Variants in MARCO observed in about 807,000 individuals in gnomAD.
MARCO encodes macrophage receptor with collagenous structure, also known as macrophage receptor MARCO.
In MARCO, 72 loss-of-function variants were observed where a neutral mutation model predicts 70.0. That is an observed-to-expected ratio of 1.03 (90% CI 0.85 to 1.25). The LOEUF is 1.25. MARCO is among the 50% of genes most tolerant of loss of function. The probability of loss-of-function intolerance (pLI) is 0.00; values close to 1 mark genes in which losing one functional copy is unlikely to be tolerated. For synonymous variants in MARCO, 273 were observed against 243.1 expected (o/e 1.12, Z -1.14); for missense variants, 696 against 659.3 (o/e 1.06, Z -0.61).
chr2:118,986,644 AGAAAGAAAGAAG>A (rs1229606675), intron 12 of MARCO, among the ~76,000 whole-genome samples: 4 of 43,128 alleles, frequency 9.3e-5, no homozygotes, highest in Middle Eastern at 8.5e-3. Flanking sequence ...AAAGAAAGAA[AGAAAGAAAGAAG>A]GAAGGAAGGA....
In MARCO at chr2:118,977,810, C is replaced by G. The variant is rs1427318693; in HGVS notation, c.659-18C>G. 8.8e-6 allele frequency: 14 copies of G among 1,592,778 alleles called. No individual in the cohort carries two copies. The highest frequency in any genetic ancestry group is 1.2e-5 in the Non-Finnish European group (14 of 1,164,806). On this transcript the variant is annotated intron_variant, in intron 7 of 16. Transcript: ENST00000327097. ...AAAGGATAGTGGGAGCCCATCTCACCAGCCATTCTCTTTGCAGGCACCCCA... is the reference window on the plus strand; with the variant it reads ...AAAGGATAGTGGGAGCCCATCTCACGAGCCATTCTCTTTGCAGGCACCCCA...
At position 118,944,269 on chromosome 2, in the gene MARCO, C is replaced by A. The variant is rs190590456; in HGVS notation, c.97+1872C>A. Reference sequence around the variant, plus strand: ...ATGTTTAAAGTATCTCACCAAAAAACCAAAACTACTCCAATTTGGATGAAA... The same window carrying A: ...ATGTTTAAAGTATCTCACCAAAAAAACAAAACTACTCCAATTTGGATGAAA... On this transcript the variant is annotated intron_variant, in intron 1 of 16. Coordinates refer to ENST00000327097, the MANE Select transcript of MARCO (RefSeq NM_006770.4). Among the ~76,000 whole-genome samples the A allele has an allele frequency of 9.8e-4, 149 of 152,190 alleles. 1 individual carries two copies. The highest frequency in any genetic ancestry group is 6.8e-3 in the Middle Eastern group (2 of 294).
chr2:118,958,015 C>T (rs1489409311), intron 1 of MARCO, among the ~76,000 whole-genome samples: 1 of 151,944 alleles, frequency 6.6e-6, no homozygotes, highest in African/African-American at 2.4e-5. Context: ...GTAATAAAGG[C>T]CATCTATGAC....
At chr2:118,972,048 C>T (rs985554104) in intron 4 of MARCO, among the ~76,000 whole-genome samples, 1 of 152,188 alleles carries the variant, frequency 6.6e-6, no homozygotes, top group Non-Finnish European at 1.5e-5. Flanking sequence ...GGCGGTGTGA[C>T]TCTGGGTCAG....
chr2:118,974,517 C>T lies in MARCO; in HGVS notation c.569-4C>T, dbSNP rs776630060. On this transcript the variant is annotated splice_region_variant and splice_polypyrimidine_tract_variant and intron_variant, in intron 5 of 16. Coordinates refer to ENST00000327097, the MANE Select transcript of MARCO (RefSeq NM_006770.4). ...CTTCACTCTGAATTCCCTTTCCCTT[C>T]CAGGCCCCTCGGGACCCCAAGGCCC... is the stretch of plus-strand genomic sequence containing the variant. 8.7e-6 allele frequency: 14 copies of T among 1,613,822 alleles called. No homozygotes were observed. The highest frequency in any genetic ancestry group is 1.6e-4 in the Middle Eastern group (1 of 6,068).
chr2:118,975,934 C>T (rs1680274065), intron 6 of MARCO, among the ~76,000 whole-genome samples: 1 of 152,206 alleles, frequency 6.6e-6, no homozygotes, highest in African/African-American at 2.4e-5. Flanking sequence ...CACACTCACA[C>T]TCAGCCTGTG....
chr2:118,943,294 C>A (rs1017698534), intron 1 of MARCO, among the ~76,000 whole-genome samples: 5 of 152,184 alleles, frequency 3.3e-5, no homozygotes, highest in African/African-American at 1.2e-4. Context: ...AGTGTAATAA[C>A]AGAGAAAGGT....
At chr2:118,977,318 AAGAG>A (rs60485337) in intron 6 of MARCO, among the ~76,000 whole-genome samples, 149 bp from the exon 7 acceptor site, 97 of 146,976 alleles carry the variant, frequency 6.6e-4, no homozygotes, top group African/African-American at 1.5e-3. Context: ...GTGTGTGAAA[AAGAG>A]AGAGAGAGAG....
At position 118,982,446 on chromosome 2, in the gene MARCO, G is replaced by C. The variant is rs772716890; in HGVS notation, c.1063+36G>C. On this transcript the variant is annotated intron_variant, in intron 12 of 16. Coordinates refer to ENST00000327097, the MANE Select transcript of MARCO (RefSeq NM_006770.4). ...GTGCAGTGGGTGAGTAGGTGGGCTT[G>C]CTGGGTGGCAGGATGGATGGAGAGA... 8 of 1,594,886 alleles carry C rather than the reference G, an allele frequency of 5.0e-6. No individual in the cohort carries two copies. In the East Asian group the frequency reaches 1.6e-4, roughly 31 times the overall value.
At position 118,951,352 on chromosome 2, in the gene MARCO, G is replaced by A. The variant is rs1295631351; in HGVS notation, c.97+8955G>A. ...GTTAAGGGAATTTTCAGTGGCTAAC[G>A]TTAAATCACTTTTTCTAACAGAATA... On this transcript the variant is annotated intron_variant, in intron 1 of 16. Coordinates refer to ENST00000327097, the MANE Select transcript of MARCO (RefSeq NM_006770.4). Among the ~76,000 whole-genome samples, 6 of 152,332 alleles carry A rather than the reference G, an allele frequency of 3.9e-5. No homozygotes were observed. The Middle Eastern group carries it at 0.014, about 345-fold the overall frequency.
At chr2:118,980,306 A>G (rs1680365067) in intron 8 of MARCO, among the ~76,000 whole-genome samples, 2 of 152,210 alleles carry the variant, frequency 1.3e-5, no homozygotes, top group African/African-American at 2.4e-5. Context: ...AGCCATAACC[A>G]AGTTCCTTAG....
At chr2:118,986,356 A>AT (rs145092247) in intron 12 of MARCO, among the ~76,000 whole-genome samples, 8,020 of 138,474 alleles carry the variant, frequency 0.058, 704 homozygotes, top group African/African-American at 0.23. Flanking sequence ...TCTACAAAAC[A>AT]TAAAAAAATT....
At chr2:118,982,957 G>A (rs1680423187) in intron 12 of MARCO, among the ~76,000 whole-genome samples, 1 of 152,192 alleles carries the variant, frequency 6.6e-6, no homozygotes. Context: ...TACCAATATA[G>A]TCTACTTTAT....
rs1297992442 is a variant in MARCO, at chr2:118,970,234, C to T, written c.320C>T (p.Ala107Val). 1 of 1,614,058 alleles carries T rather than the reference C, an allele frequency of 6.2e-7. No homozygotes were observed. The highest frequency in any genetic ancestry group is 8.5e-7 in the Non-Finnish European group (1 of 1,179,982). The stretch of plus-strand genomic sequence containing the variant: ...TCAGCACACCCTGGAGAACACCTGG[C>T]TCAGGGTGCATCGAGGCTGCAAGTC... ...LQSAHPGEHL[A>V]QGASRLQVLQ... The change falls in exon 3 of 17, where the codon GCT (alanine) becomes GTT (valine). Residue 107 changes from alanine (A) to valine (V), a missense_variant. Transcript: ENST00000327097.
At chr2:118,971,629 AC>A (rs1470514456) in intron 4 of MARCO, 95 bp downstream of exon 4, 1 of 1,186,376 alleles carries the variant, frequency 8.4e-7, no homozygotes, top group Non-Finnish European at 1.2e-6. Context: ...TGGACAGCTG[AC>A]CCTAGCTTAC....
intron 12 of MARCO, among the ~76,000 whole-genome samples, chr2:118,986,809 A>C (rs1213419359): frequency 1.3e-5 from 2 of 152,100 alleles, no homozygotes; most frequent in Non-Finnish European, 2.9e-5. Flanking sequence ...AAAGGGAAAG[A>C]AAGAAAGTTT....
chr2:118,945,655 C>A (rs921163160), intron 1 of MARCO, among the ~76,000 whole-genome samples: 3 of 151,942 alleles, frequency 2.0e-5, no homozygotes, highest in African/African-American at 7.3e-5. Context: ...TCAAGTGATC[C>A]GCCCCCCTTG....
At position 118,970,190 on chromosome 2, in the gene MARCO, G is replaced by T. The variant is rs750963747; in HGVS notation, c.276G>T (p.Pro92=). 6.2e-7 allele frequency: 1 copy of T among 1,614,152 alleles called. No individual in the cohort carries two copies. Among genetic ancestry groups the T allele is most frequent in the South Asian group, 1.1e-5 (1 of 91,084 alleles). The change falls in exon 3 of 17, where the codon CCG becomes CCT. Residue 92 remains proline (P), a synonymous_variant. Transcript: ENST00000327097. ...ACACTCTGGCGGCTGAGGACAGCCC[G>T]TCCTTCTCCTTGCTGCAGTCAGCAC... ...LNDTLAAEDS[P]SFSLLQSAHP... is the part of the protein sequence containing the mutation.
intron 4 of MARCO, among the ~76,000 whole-genome samples, chr2:118,972,644 T>C (rs952777663): frequency 2.0e-5 from 3 of 152,230 alleles, no homozygotes; most frequent in South Asian, 2.1e-4. Context: ...TACTCAATGA[T>C]GTTCTTGTCT....
Sources: gnomAD v4.1 joint callset for allele counts (sites outside exome capture counted in the v4.1 genomes callset) on GRCh38, gnomAD v4.1.1 for gene constraint, MANE v1.5 for transcripts, NCBI Gene and HGNC (gene_info 2026-07-23, HGNC 2026-07-21) for gene names.